ZFP91: variants seen among roughly 807,000 people sequenced by gnomAD.
The protein encoded by ZFP91 is ZFP91 zinc finger protein, atypical E3 ubiquitin ligase, also known as E3 ubiquitin-protein ligase ZFP91.
In ZFP91, 7 loss-of-function variants were observed where a neutral mutation model predicts 63.5. The ratio of observed to expected loss-of-function variants is 0.11; its 90% CI spans 0.06 to 0.21. ZFP91 has a LOEUF of 0.21. Among genes scored for constraint, ZFP91 ranks in the 10% least tolerant of loss-of-function variants. The probability of loss-of-function intolerance (pLI) is 1.00; values close to 1 mark genes in which losing one functional copy is unlikely to be tolerated. For synonymous variants in ZFP91, 330 were observed against 272.1 expected (o/e 1.21, Z -2.10); for missense variants, 628 against 736.6 (o/e 0.85, Z 1.71).
chr11:58,598,746 GCA>G (rs1855444300), intron 2 of ZFP91, among the ~76,000 whole-genome samples: 2 of 134,822 alleles, frequency 1.5e-5, no homozygotes, highest in African/African-American at 6.0e-5. Context: ...ATACTTTTGT[GCA>G]CGTGTGTGTG....
chr11:58,581,249 G>C (rs1470750456), intron 1 of ZFP91, among the ~76,000 whole-genome samples: 2 of 151,862 alleles, frequency 1.3e-5, no homozygotes, highest in Non-Finnish European at 2.9e-5. Flanking sequence ...TCGTAGAGAG[G>C]GTAATACTTA....
At chr11:58,602,774 A>C (rs1195496642) in intron 2 of ZFP91, among the ~76,000 whole-genome samples, 2 of 152,190 alleles carry the variant, frequency 1.3e-5, no homozygotes, top group African/African-American at 4.8e-5. Flanking sequence ...GCTATGAAAA[A>C]GTACCTAAAA....
intron 5 of ZFP91, chr11:58,611,260 T>C (rs535130896): frequency 1.0e-5 from 5 of 491,302 alleles, no homozygotes; most frequent in Non-Finnish European, 1.4e-5. Context: ...TTATTTTGAT[T>C]ATATACAAGT....
intron 2 of ZFP91, 128 bp from the exon 3 acceptor site, chr11:58,609,702 A>G: frequency 1.3e-6 from 1 of 797,180 alleles, no homozygotes; most frequent in Non-Finnish European, 2.0e-6. Context: ...ATTTCAATTA[A>G]AGTCTTCAGT....
rs1341410052 is a variant in ZFP91 at position 58,621,080 on chromosome 11, T to C, written c.*3374T>C. 1 of 152,680 alleles carries C rather than the reference T, an allele frequency of 6.5e-6. No homozygotes were observed. Among genetic ancestry groups the C allele is most frequent in the East Asian group, 1.9e-4 (1 of 5,206 alleles). 9.5% of individuals were successfully genotyped at this position (152,680 alleles called of 1,614,324 possible). On this transcript the variant is annotated 3_prime_UTR_variant, in exon 11 of 11. Transcript: ENST00000316059. ...CCTTGGTTGTACTGAGTTACAGTTA[T>C]CCTAGGGGTGAAACATGTGATGCTG...
chr11:58,619,139 C>G lies in ZFP91; in HGVS notation c.*1433C>G, dbSNP rs1010726634. 6.5e-6 allele frequency: 1 copy of G among 153,584 alleles called. No individual in the cohort carries two copies. The highest frequency in any genetic ancestry group is 2.4e-5 in the African/African-American group (1 of 41,410). 9.5% of individuals were successfully genotyped at this position (153,584 alleles called of 1,614,324 possible). A position where few individuals can be genotyped will look rare whatever the true frequency, so the allele number is the denominator to read the frequency against. ...TAAGTCAAAGAAAACTGCTCTGTTT[C>G]CCCTTTAGTAACACTTCTGAAGAGG... On this transcript the variant is annotated 3_prime_UTR_variant, in exon 11 of 11. Coordinates refer to ENST00000316059, the MANE Select transcript of ZFP91 (RefSeq NM_053023.5).
intron 9 of ZFP91, among the ~76,000 whole-genome samples, chr11:58,614,654 C>T (rs572504533): frequency 3.3e-5 from 5 of 152,192 alleles, no homozygotes; most frequent in African/African-American, 1.2e-4. Flanking sequence ...TTCAACACCA[C>T]TAAATTTGTT....
rs1022556139 is a variant in ZFP91, at chr11:58,579,376, G to A, written c.95G>A (p.Arg32Gln). The A allele has an allele frequency of 2.0e-6, 3 of 1,483,320 alleles. No individual in the cohort carries two copies. Among genetic ancestry groups the A allele is most frequent in the African/African-American group, 1.5e-5 (1 of 67,350 alleles). 91.9% of individuals were successfully genotyped at this position (1,483,320 alleles called of 1,614,324 possible). A position where few individuals can be genotyped will look rare whatever the true frequency, so the allele number is the denominator to read the frequency against. Residue 32 changes from arginine to glutamine, a missense_variant, in exon 1 of 11, where the codon CGG becomes CAG. Around this residue, in one of 3 missense-constraint regions of ZFP91, gnomAD observed 437 missense variants for 380.3 expected, o/e 1.15. Coordinates refer to ENST00000316059, the MANE Select transcript of ZFP91 (RefSeq NM_053023.5). Reference protein sequence around the residue: ...AKAAPEEPQQRPPEAVAAAPA... With the variant: ...AKAAPEEPQQQPPEAVAAAPA... ...GCGGCTCCGGAGGAGCCCCAACAAC[G>A]GCCCCCTGAGGCGGTCGCGGCGGCG...
At chr11:58,610,451 T>G in intron 4 of ZFP91, 117 bp downstream of exon 4, 1 of 951,840 alleles carries the variant, frequency 1.1e-6, no homozygotes, top group South Asian at 1.9e-5. Flanking sequence ...GAAATTAACT[T>G]CAGTTTTGAT....
At chr11:58,604,619 G>A (rs1333452620) in intron 2 of ZFP91, among the ~76,000 whole-genome samples, 1 of 152,174 alleles carries the variant, frequency 6.6e-6, no homozygotes, top group Non-Finnish European at 1.5e-5. Context: ...ACCTGTTTGT[G>A]TCTTTGGATC....
At chr11:58,581,877 T>C (rs926815832) in intron 1 of ZFP91, among the ~76,000 whole-genome samples, 3 of 151,912 alleles carry the variant, frequency 2.0e-5, no homozygotes, top group Admixed American at 6.6e-5. Context: ...GAAATAAGGC[T>C]GAATTCTTAG....
At chr11:58,616,016 T>A (rs1230937641) in intron 9 of ZFP91, among the ~76,000 whole-genome samples, 1 of 152,222 alleles carries the variant, frequency 6.6e-6, no homozygotes, top group Admixed American at 6.5e-5. Flanking sequence ...TTCCTCCTCA[T>A]AGATTCCACA....
chr11:58,590,416 T>C (rs151338761), intron 2 of ZFP91, among the ~76,000 whole-genome samples: 221 of 152,314 alleles, frequency 1.5e-3, no homozygotes, highest in African/African-American at 5.0e-3. Context: ...TCCTCATTGG[T>C]CATTCAGTTC....
intron 2 of ZFP91, among the ~76,000 whole-genome samples, chr11:58,607,847 C>G (rs575929299): frequency 6.6e-6 from 1 of 152,152 alleles, no homozygotes; most frequent in African/African-American, 2.4e-5. Flanking sequence ...ACTAAGGTAT[C>G]ATGGTTTATT....
intron 1 of ZFP91, among the ~76,000 whole-genome samples, chr11:58,580,935 T>C (rs1822337180): frequency 6.6e-6 from 1 of 152,228 alleles, no homozygotes; most frequent in Non-Finnish European, 1.5e-5. Flanking sequence ...CTATATTGTT[T>C]AATCTCATGA....
intron 9 of ZFP91, among the ~76,000 whole-genome samples, chr11:58,614,727 T>A (rs1193225384): frequency 1.3e-5 from 2 of 152,162 alleles, no homozygotes; most frequent in African/African-American, 4.8e-5. Flanking sequence ...AACCTGCCCA[T>A]GGTCACATAG....
rs573475264 is a variant in ZFP91 at position 58,606,075 on chromosome 11, G to T, written c.371-3755G>T. Among the ~76,000 whole-genome samples the T allele has an allele frequency of 3.3e-3, 487 of 149,610 alleles. 2 individuals are homozygous for T. The highest frequency in any genetic ancestry group is 0.012 in the African/African-American group (468 of 40,480). ...TTTTTTCTCTTAGTTCCTTTTTTGT[G>T]GGGGGGGTGTGGTTTCACTCTTGTC... On this transcript the variant is annotated intron_variant, in intron 2 of 10. Coordinates refer to ENST00000316059, the MANE Select transcript of ZFP91 (RefSeq NM_053023.5).
chr11:58,596,330 G>A (rs952367159), intron 2 of ZFP91, among the ~76,000 whole-genome samples: 2 of 152,154 alleles, frequency 1.3e-5, no homozygotes, highest in African/African-American at 4.8e-5. Flanking sequence ...AACATTTGGC[G>A]TAGCTTTACA....
At chr11:58,601,328 G>A (rs1488705212) in intron 2 of ZFP91, among the ~76,000 whole-genome samples, 2 of 152,068 alleles carry the variant, frequency 1.3e-5, no homozygotes, top group African/African-American at 4.8e-5. Flanking sequence ...AATTGTTTTT[G>A]GTAATTTGTG....
Sources: allele counts gnomAD v4.1 joint callset (sites outside exome capture counted in the v4.1 genomes callset), GRCh38; gene constraint gnomAD v4.1.1; regional missense constraint gnomAD v4.1.1; transcripts MANE v1.5; gene names NCBI Gene and HGNC (gene_info 2026-07-23, HGNC 2026-07-21).